The following PRRC2C variants were observed in gnomAD, a reference collection of about 807,000 sequenced individuals.
The protein encoded by PRRC2C is protein PRRC2C.
Under a neutral mutation model 317.2 loss-of-function variants are expected in PRRC2C, and 72 were observed. The ratio of observed to expected loss-of-function variants is 0.23; its 90% CI spans 0.19 to 0.28. The LOEUF is 0.28. PRRC2C is among the 10% of genes least tolerant of loss of function. The pLI, the probability that PRRC2C is intolerant of heterozygous loss-of-function variation, is 1.00. For synonymous variants in PRRC2C, 1,296 were observed against 1,205.9 expected, an observed-to-expected ratio of 1.07 and a Z score of -1.55; for missense variants, 3,074 against 3,459.7, an observed-to-expected ratio of 0.89 and a Z score of 2.80.
At chr1:171,519,030 C>A (rs1278573434) in intron 6 of PRRC2C, among the ~76,000 whole-genome samples, 1 of 151,602 alleles carries the variant, frequency 6.6e-6, no homozygotes, top group East Asian at 1.9e-4. Flanking sequence ...ATTATAGCTG[C>A]CCGCCACCAT....
chr1:171,578,579 G>A (rs1462918203), intron 26 of PRRC2C, among the ~76,000 whole-genome samples: 1 of 151,772 alleles, frequency 6.6e-6, no homozygotes. Context: ...TATAAAAACA[G>A]CGAGTCAGCT....
At chr1:171,585,939 G>A (rs1649801401) in intron 30 of PRRC2C, among the ~76,000 whole-genome samples, 1 of 151,234 alleles carries the variant, frequency 6.6e-6, no homozygotes, top group African/African-American at 2.4e-5. Context: ...AAATTCCTTT[G>A]TTTCATACAT....
At chr1:171,529,016 C>T (rs1349045606) in intron 11 of PRRC2C, among the ~76,000 whole-genome samples, 6 of 151,998 alleles carry the variant, frequency 3.9e-5, no homozygotes, top group Admixed American at 6.6e-5. Flanking sequence ...AGGCTGGTCT[C>T]GAACTCCTAG....
At chr1:171,521,048 C>G (rs1017189159) in intron 6 of PRRC2C, among the ~76,000 whole-genome samples, 8 of 151,766 alleles carry the variant, frequency 5.3e-5, no homozygotes, top group Non-Finnish European at 1.2e-4. Context: ...TCGTGATCTA[C>G]CCGCTTCGGC....
chr1:171,547,239 C>T (rs919287668), intron 17 of PRRC2C, among the ~76,000 whole-genome samples: 1 of 152,012 alleles, frequency 6.6e-6, no homozygotes, highest in African/African-American at 2.4e-5. Context: ...GTTCTTTTTC[C>T]TGGTAACACT....
rs1335293221 is a variant in PRRC2C, at chr1:171,577,576, G to A, written c.7098G>A (p.Met2366Ile). 1.2e-5 allele frequency: 20 copies of A among 1,613,826 alleles called. No homozygotes were observed. Among genetic ancestry groups the A allele is most frequent in the Non-Finnish European group, 1.6e-5 (19 of 1,179,818 alleles). ...SASHFSQLSCMPSLIAQQQQN... is the reference protein window; with the variant it reads ...SASHFSQLSCIPSLIAQQQQN... ...GTCATTTTTCACAGTTAAGCTGTAT[G>A]CCTTCCCTTATTGCCCAGCAGCAAC... The change falls in exon 26 of 35, where the codon ATG (methionine) becomes ATA (isoleucine). Residue 2366 changes from methionine (M) to isoleucine (I), a missense_variant. By Grantham distance (10) the Met-to-Ile change is conservative. Coordinates refer to ENST00000647382, the MANE Select transcript of PRRC2C (RefSeq NM_001387844.1).
chr1:171,541,999 A>C lies in PRRC2C; in HGVS notation c.4533A>C (p.Arg1511=). The C allele has an allele frequency of 1.9e-6, 3 of 1,613,882 alleles. No individual in the cohort carries two copies. Among genetic ancestry groups the C allele is most frequent in the Non-Finnish European group, 2.5e-6 (3 of 1,179,852 alleles). ...AAAGCAGTGATTTCAATGAGAGGCG[A>C]GAGAGGGATGAAAAAAAAAATGCTG... is the stretch of plus-strand genomic sequence containing the variant. ...ASESSDFNER[R]ERDEKKNADL... is the part of the protein sequence containing the mutation. The change falls in exon 16 of 35, where the codon CGA becomes CGC. Residue 1511 remains arginine, a synonymous_variant. Transcript: ENST00000647382. The surrounding 1 kb of genome is among the most constrained non-coding windows in gnomAD (Gnocchi z 4.1).
intron 18 of PRRC2C, among the ~76,000 whole-genome samples, chr1:171,553,937 T>C (rs557933095): frequency 3.3e-4 from 50 of 152,334 alleles, no homozygotes; most frequent in Non-Finnish European, 6.3e-4. Flanking sequence ...GAAGAATGTA[T>C]ATTCTGTTGA....
chr1:171,586,380 C>T (rs1237062856), intron 30 of PRRC2C, among the ~76,000 whole-genome samples: 1 of 150,640 alleles, frequency 6.6e-6, no homozygotes, highest in African/African-American at 2.4e-5. Context: ...CGTGAGCCAC[C>T]GTGCCTGGAC....
rs1257591407 is a variant in PRRC2C at position 171,557,518 on chromosome 1, A to G, written c.5406A>G (p.Pro1802=). ...CAGTTCTGGCCTCAACCTCAGCTCC[A>G]GTTCCAGCCTCACCCTTAGCTCCAG... ...LAPVLASTSA[P]VPASPLAPVS... Residue 1802 remains proline (P), a synonymous_variant, in exon 19 of 35, where the codon CCA becomes CCG. Transcript: ENST00000647382. 5 of 1,551,506 alleles carry G rather than the reference A, an allele frequency of 3.2e-6. No individual in the cohort carries two copies. The highest frequency in any genetic ancestry group is 4.4e-6 in the Non-Finnish European group (5 of 1,146,944).
intron 15 of PRRC2C, among the ~76,000 whole-genome samples, chr1:171,538,012 T>G (rs1677170099): frequency 6.6e-6 from 1 of 152,212 alleles, no homozygotes; most frequent in Non-Finnish European, 1.5e-5. Flanking sequence ...ACCATTCTTC[T>G]GCCTCAGCCT....
At chr1:171,573,901 A>G (rs891900760) in intron 24 of PRRC2C, among the ~76,000 whole-genome samples, 2 of 151,728 alleles carry the variant, frequency 1.3e-5, no homozygotes, top group African/African-American at 2.4e-5. Context: ...CTGGTCTCGA[A>G]CTTCTGACCT....
chr1:171,589,413 A>G lies in PRRC2C; in HGVS notation c.8244A>G (p.Pro2748=). 1 of 1,286,262 alleles carries G rather than the reference A, an allele frequency of 7.8e-7. No individual in the cohort carries two copies. Among genetic ancestry groups the G allele is most frequent in the Non-Finnish European group, 1.0e-6 (1 of 988,436 alleles). The allele number at this position is 1,286,262 out of a possible 1,614,324, so 79.7% of individuals were successfully genotyped here. The change falls in exon 34 of 35, where the codon CCA becomes CCG. Residue 2748 remains proline (P), a synonymous_variant. Transcript: ENST00000647382. ...TGGTCCCTCCATTGGTAAGAGCCCC[A>G]CATACTAACACCTTCCCAGCGCCTG... The part of the protein sequence containing the change: ...PNLVPPLVRA[P]HTNTFPAPVQ...
intron 18 of PRRC2C, among the ~76,000 whole-genome samples, chr1:171,555,132 C>G (rs1681105032): frequency 6.6e-6 from 1 of 152,176 alleles, no homozygotes. Flanking sequence ...TTCACATAGT[C>G]CCATATTTCT....
intron 12 of PRRC2C, among the ~76,000 whole-genome samples, chr1:171,534,165 AT>A (rs898245172): frequency 2.9e-4 from 44 of 152,144 alleles, no homozygotes; most frequent in African/African-American, 1.0e-3. Context: ...TTTATCTTTA[AT>A]TTTTTTAATG....
Position 171,593,177 on chromosome 1 carries a change from T to C in PRRC2C, c.*1330T>C, listed in dbSNP as rs1386594304. On this transcript the variant is annotated 3_prime_UTR_variant, in exon 35 of 35. Coordinates refer to ENST00000647382, the MANE Select transcript of PRRC2C (RefSeq NM_001387844.1). ...AGTGTGCTGGATGTCTCTATAATTT[T>C]ATTCAGATGACTGCAGAACCTGGAA... 6.6e-6 allele frequency: 1 copy of C among 151,036 alleles called. No homozygotes were observed. Among genetic ancestry groups the C allele is most frequent in the Non-Finnish European group, 1.5e-5 (1 of 67,802 alleles). The allele number at this position is 151,036 out of a possible 1,614,324, so 9.4% of individuals were successfully genotyped here.
At chr1:171,563,522 G>T (rs150151410) in intron 20 of PRRC2C, among the ~76,000 whole-genome samples, 1 of 152,210 alleles carries the variant, frequency 6.6e-6, no homozygotes, top group African/African-American at 2.4e-5. Flanking sequence ...TAAAGAACTT[G>T]AACGTCATTT....
intron 7 of PRRC2C, 73 bp downstream of exon 7, chr1:171,522,332 G>T (rs1673734065): frequency 1.9e-6 from 2 of 1,047,720 alleles, no homozygotes; most frequent in Non-Finnish European, 2.9e-6. Context: ...TGAGTGGATT[G>T]TGTGATTCTG....
At chr1:171,527,975 G>T in intron 11 of PRRC2C, 131 bp downstream of exon 11, 1 of 664,246 alleles carries the variant, frequency 1.5e-6, no homozygotes, top group Non-Finnish European at 2.6e-6. Context: ...ACTCTTACAT[G>T]TCTTACTCTT....
Sources: allele counts gnomAD v4.1 joint callset (sites outside exome capture counted in the v4.1 genomes callset), GRCh38; gene constraint gnomAD v4.1.1; non-coding constraint Gnocchi (gnomAD v3.1); transcripts MANE v1.5; gene names NCBI Gene and HGNC (gene_info 2026-07-23, HGNC 2026-07-21).